Variants in KIF5C observed in about 807,000 individuals in gnomAD.
KIF5C encodes kinesin family member 5C.
Under a neutral mutation model 125.2 loss-of-function variants are expected in KIF5C, and 18 were observed. That is an observed-to-expected ratio of 0.14 (90% confidence interval 0.10 to 0.21). KIF5C has a LOEUF of 0.21. Among genes scored for constraint, KIF5C ranks in the 10% least tolerant of loss-of-function variants. The pLI, the probability that KIF5C is intolerant of heterozygous loss-of-function variation, is 1.00. For missense variants in KIF5C, 780 were observed against 1,183.8 expected, an observed-to-expected ratio of 0.66 and a Z score of 5.01; for synonymous variants, 405 against 434.0, an observed-to-expected ratio of 0.93 and a Z score of 0.83.
At chr2:148,957,792 T>C (rs1185978808) in intron 10 of KIF5C, among the ~76,000 whole-genome samples, 1 of 152,082 alleles carries the variant, frequency 6.6e-6, no homozygotes, top group African/African-American at 2.4e-5. Context: ...ATAACTAATT[T>C]TTTTTTATAA....
At chr2:149,006,890 G>A (rs1682025089) in intron 22 of KIF5C, among the ~76,000 whole-genome samples, 1 of 152,104 alleles carries the variant, frequency 6.6e-6, no homozygotes, top group South Asian at 2.1e-4. Context: ...GGAAGGAGGT[G>A]GAAGCCATGA....
At chr2:148,916,514 G>C (rs1455241853) in intron 1 of KIF5C, among the ~76,000 whole-genome samples, 2 of 152,138 alleles carry the variant, frequency 1.3e-5, no homozygotes, top group Non-Finnish European at 2.9e-5. Context: ...AGGATAATAG[G>C]ATGTCAAGTT....
rs1682681979 is a variant in KIF5C, at chr2:149,026,159, G to A, written c.*3089G>A. 2 of 152,472 alleles carry A rather than the reference G, an allele frequency of 1.3e-5. No individual in the cohort carries two copies. Among genetic ancestry groups the A allele is most frequent in the Admixed American group, 1.3e-4 (2 of 15,254 alleles). 9.4% of individuals were successfully genotyped at this position (152,472 alleles called of 1,614,324 possible). A position where few individuals can be genotyped will look rare whatever the true frequency, so the allele number is the denominator to read the frequency against. On this transcript the variant is annotated 3_prime_UTR_variant, in exon 26 of 26. Transcript: ENST00000435030. The stretch of plus-strand genomic sequence containing the variant: ...GGAGACATTTGGACTCTAGCTATAT[G>A]ACATACTGGGAAAGGCAGAGGGTGG...
chr2:148,885,266 G>A (rs1375752694), intron 1 of KIF5C, among the ~76,000 whole-genome samples: 2 of 152,110 alleles, frequency 1.3e-5, no homozygotes, highest in Non-Finnish European at 2.9e-5. Context: ...GATTATAGGC[G>A]TGAGCCACCG....
At chr2:148,987,671 T>A (rs1323610330) in intron 15 of KIF5C, among the ~76,000 whole-genome samples, 1 of 152,056 alleles carries the variant, frequency 6.6e-6, no homozygotes, top group African/African-American at 2.4e-5. Context: ...GGGGGTCTGT[T>A]CAGTCATTCG....
chr2:148,877,517 T>C (rs1344920273), intron 1 of KIF5C, among the ~76,000 whole-genome samples: 1 of 152,260 alleles, frequency 6.6e-6, no homozygotes, highest in Non-Finnish European at 1.5e-5. Context: ...TTTACAGCTC[T>C]CAGCCAGTAT....
At chr2:149,002,732 G>A (rs948169679) in intron 21 of KIF5C, among the ~76,000 whole-genome samples, 10 of 152,032 alleles carry the variant, frequency 6.6e-5, no homozygotes, top group South Asian at 2.1e-4. Flanking sequence ...ATTCACACCC[G>A]TCACTCATAC....
intron 1 of KIF5C, among the ~76,000 whole-genome samples, chr2:148,914,004 T>TATA (rs1681446595): frequency 6.6e-6 from 1 of 152,242 alleles, no homozygotes; most frequent in South Asian, 2.1e-4. Flanking sequence ...TCTCTCATGC[T>TATA]ATAGGTCAAG....
chr2:148,910,615 G>A (rs190243732), intron 1 of KIF5C, among the ~76,000 whole-genome samples: 115 of 152,288 alleles, frequency 7.6e-4, no homozygotes, highest in Non-Finnish European at 9.1e-4. Context: ...AGAGGGAATC[G>A]TCAGAGCAGT....
At chr2:148,896,449 A>G (rs1157597492) in intron 1 of KIF5C, among the ~76,000 whole-genome samples, 2 of 152,184 alleles carry the variant, frequency 1.3e-5, no homozygotes, top group African/African-American at 2.4e-5. Flanking sequence ...GGATGGCTAC[A>G]TGAAAAGAAT....
intron 3 of KIF5C, among the ~76,000 whole-genome samples, chr2:148,936,552 C>G (rs1162761674): frequency 1.3e-5 from 2 of 152,134 alleles, no homozygotes; most frequent in African/African-American, 4.8e-5. Flanking sequence ...AATTCTGGAC[C>G]TTAAAAATGG....
chr2:149,017,224 G>A (rs1284709766), intron 25 of KIF5C, among the ~76,000 whole-genome samples: 4 of 152,194 alleles, frequency 2.6e-5, no homozygotes, highest in South Asian at 2.1e-4. Flanking sequence ...AGTTGTGTGC[G>A]ATGGTGATGG....
intron 1 of KIF5C, among the ~76,000 whole-genome samples, chr2:148,919,710 T>C (rs1488474639): frequency 1.3e-5 from 2 of 152,212 alleles, no homozygotes; most frequent in Non-Finnish European, 2.9e-5. Context: ...TCTTTGAAAA[T>C]ATTCAATAAC....
chr2:148,912,582 C>T (rs1411734325), intron 1 of KIF5C, among the ~76,000 whole-genome samples: 1 of 152,172 alleles, frequency 6.6e-6, no homozygotes, highest in Non-Finnish European at 1.5e-5. Context: ...CTAGCTAGGA[C>T]TAACAGGTGT....
In KIF5C at chr2:148,911,963, C is replaced by T. The variant is rs562010983; in HGVS notation, c.127-10174C>T. Among the ~76,000 whole-genome samples, 19 of 152,306 alleles carry T rather than the reference C, an allele frequency of 1.2e-4. No individual in the cohort carries two copies. In the East Asian group the frequency reaches 3.1e-3, roughly 25 times the overall value. On this transcript the variant is annotated intron_variant, in intron 1 of 25. Coordinates refer to ENST00000435030, the MANE Select transcript of KIF5C (RefSeq NM_004522.3). ...TTCCTGCTTGGCTTGGGAAACCCTT[C>T]CCTTCCTCCTGCCCCTCCCTCTTTC... is the stretch of plus-strand genomic sequence containing the variant.
chr2:149,012,557 G>A (rs1682242031), intron 25 of KIF5C, among the ~76,000 whole-genome samples: 1 of 152,262 alleles, frequency 6.6e-6, no homozygotes, highest in Non-Finnish European at 1.5e-5. Flanking sequence ...AGGCAAGAAG[G>A]TGAGCAGGAG....
At chr2:148,947,968 A>G (rs1442807622) in intron 8 of KIF5C, 1 of 456,686 alleles carries the variant, frequency 2.2e-6, no homozygotes, top group Admixed American at 2.3e-5. Flanking sequence ...CACGTGAGTA[A>G]TGGTTACTTG....
At position 148,962,010 on chromosome 2, in the gene KIF5C, A is replaced by G. The variant is rs1356195492; in HGVS notation, c.1008A>G (p.Glu336=). ...AGAATACAGTCTCTGTGAACCTAGAACTGACAGCAGAAGAATGGAAGAAGA... is the reference window on the plus strand; with the variant it reads ...AGAATACAGTCTCTGTGAACCTAGAGCTGACAGCAGAAGAATGGAAGAAGA... ...TIKNTVSVNL[E]LTAEEWKKKY... Residue 336 remains glutamate, a synonymous_variant, in exon 11 of 26, where the codon GAA becomes GAG. Coordinates refer to ENST00000435030, the MANE Select transcript of KIF5C (RefSeq NM_004522.3). 1 of 1,614,006 alleles carries G rather than the reference A, an allele frequency of 6.2e-7. No individual in the cohort carries two copies. Among genetic ancestry groups the G allele is most frequent in the East Asian group, 2.2e-5 (1 of 44,882 alleles).
intron 3 of KIF5C, among the ~76,000 whole-genome samples, chr2:148,930,203 C>T (rs533421316): frequency 1.4e-4 from 21 of 152,308 alleles, no homozygotes; most frequent in African/African-American, 5.1e-4. Context: ...CATACCTGCT[C>T]CCTGAAGGCA....
Sources: gnomAD v4.1 joint callset for allele counts (sites outside exome capture counted in the v4.1 genomes callset) on GRCh38, gnomAD v4.1.1 for gene constraint, MANE v1.5 for transcripts, NCBI Gene and HGNC (gene_info 2026-07-23, HGNC 2026-07-21) for gene names.